The following TEPSIN variants were observed in gnomAD, a reference collection of about 807,000 sequenced individuals.
TEPSIN encodes AP-4 complex accessory subunit tepsin.
TEPSIN carries 50 observed loss-of-function variants against 48.5 expected under a neutral mutation model. The observed-to-expected ratio is 1.03, with a 90% CI of 0.82 to 1.31. TEPSIN has a LOEUF of 1.31. Among genes scored for constraint, TEPSIN ranks in the 50% most tolerant of loss-of-function variants. The pLI is 0.00. For synonymous variants in TEPSIN, 392 were observed against 358.8 expected (o/e 1.09, Z -1.05); for missense variants, 838 against 815.9 (o/e 1.03, Z -0.33).
At chr17:81,231,050 CACACACGT>C in intron 11 of TEPSIN, 1 of 507,610 alleles carries the variant, frequency 2.0e-6, no homozygotes, top group Admixed American at 3.8e-5. Flanking sequence ...CCGACACACG[CACACACGT>C]GTCCACACTT....
Position 81,228,429 on chromosome 17 carries a change from T to C in TEPSIN, c.*499A>G, listed in dbSNP as rs2062510824. 5.5e-5 allele frequency: 11 copies of C among 199,210 alleles called. No homozygotes were observed. The South Asian group carries it at 6.1e-4, about 11-fold the overall frequency. 12.3% of individuals were successfully genotyped at this position (199,210 alleles called of 1,614,324 possible). A position where few individuals can be genotyped will look rare whatever the true frequency, so the allele number is the denominator to read the frequency against. On this transcript the variant is annotated 3_prime_UTR_variant, in exon 13 of 13. Transcript: ENST00000637944. Reference sequence around the variant, plus strand: ...AGGTGAGAGCCAGGGAAGGATCACGTAGGGATCTGAGACTTGAAATGGCCT... The same window carrying C: ...AGGTGAGAGCCAGGGAAGGATCACGCAGGGATCTGAGACTTGAAATGGCCT...
chr17:81,230,521 G>C lies in TEPSIN; in HGVS notation c.1233+23C>G, dbSNP rs189549987. 1 of 1,609,462 alleles carries C rather than the reference G, an allele frequency of 6.2e-7. No individual in the cohort carries two copies. The highest frequency in any genetic ancestry group is 8.5e-7 in the Non-Finnish European group (1 of 1,178,906). ...ACTGTACCCTTGGACCCCGGTGTGC[G>C]TGTGGCCTCCGCAGCTGCCCACCTT... On this transcript the variant is annotated intron_variant, in intron 12 of 12. Transcript: ENST00000637944. This position sits in a 1 kb window ranked among gnomAD's most constrained non-coding sequence, Gnocchi z 4.2.
At chr17:81,232,144 C>A in intron 8 of TEPSIN, 123 bp from the exon 9 acceptor site, 1 of 1,361,798 alleles carries the variant, frequency 7.3e-7, no homozygotes, top group South Asian at 1.4e-5. Flanking sequence ...GGGTGGCCAC[C>A]TTGGCTCCAG....
rs2062572537 is a variant in TEPSIN, at chr17:81,230,562, C to T, written c.1215G>A (p.Val405=). 3.7e-6 allele frequency: 6 copies of T among 1,611,984 alleles called. No homozygotes were observed. The East Asian group carries it at 1.3e-4, about 36-fold the overall frequency. The change falls in exon 12 of 13, where the codon GTG becomes GTA. Residue 405 remains valine, a synonymous_variant. Coordinates refer to ENST00000637944, the MANE Select transcript of TEPSIN (RefSeq NM_001363764.2). This position sits in a 1 kb window ranked among gnomAD's most constrained non-coding sequence, Gnocchi z 4.2. The part of the protein sequence containing the change: ...QELSMGSPGP[V]TNKATKILRH... ...TGCCCACCTTGGTGGCCTTGTTGGT[C>T]ACAGGTCCCGGGCTGCCCATGCTGA... is the stretch of plus-strand genomic sequence containing the variant.
At chr17:81,232,546 G>C in intron 7 of TEPSIN, 28 bp from the exon 8 acceptor site, 1 of 1,521,286 alleles carries the variant, frequency 6.6e-7, no homozygotes, top group South Asian at 1.2e-5. Context: ...GAGATGGGAC[G>C]GCCGCCCAGT....
intron 11 of TEPSIN, chr17:81,231,043 A>G (rs2062589701): frequency 2.1e-6 from 1 of 479,828 alleles, no homozygotes. Context: ...ACGCCCCCCG[A>G]CACACGCACA....
chr17:81,229,794 C>T (rs778836087), intron 12 of TEPSIN: 16 of 404,166 alleles, frequency 4.0e-5, no homozygotes, highest in South Asian at 2.6e-4. Flanking sequence ...GGAGTGAACA[C>T]GTGGCCTGGC....
At chr17:81,238,847 C>T (rs2062773616) in intron 1 of TEPSIN, 139 bp downstream of exon 1, 1 of 1,351,076 alleles carries the variant, frequency 7.4e-7, no homozygotes. Context: ...TCAGGGGCGT[C>T]GGCGCGGGCG....
At chr17:81,232,959 A>G in intron 7 of TEPSIN, 1 of 232,328 alleles carries the variant, frequency 4.3e-6, no homozygotes, top group Non-Finnish European at 8.5e-6. Context: ...GAGCAGCTAC[A>G]CACCGCCCAG....
chr17:81,231,859 T>G lies in TEPSIN; in HGVS notation c.893A>C (p.Asp298Ala). 1 of 1,613,326 alleles carries G rather than the reference T, an allele frequency of 6.2e-7. No homozygotes were observed. Among genetic ancestry groups the G allele is most frequent in the Non-Finnish European group, 8.5e-7 (1 of 1,179,980 alleles). ...AGCTCCCGCTCACCTTTCTGCCAGG[T>G]CACCCGGCTCCCGGCTGGCCCCTGA... is the stretch of plus-strand genomic sequence containing the variant. ...SHSGASREPG[D>A]LAERVEVVAL... Residue 298 changes from aspartate to alanine, a missense_variant, in exon 9 of 13, where the codon GAC (aspartate) becomes GCC (alanine). Coordinates refer to ENST00000637944, the MANE Select transcript of TEPSIN (RefSeq NM_001363764.2).
chr17:81,231,747 T>C lies in TEPSIN; in HGVS notation c.906-56A>G, dbSNP rs112180383. 2.3e-3 allele frequency: 3,759 copies of C among 1,607,082 alleles called. 88 individuals are homozygous for C. In the African/African-American group the frequency reaches 0.044, roughly 19 times the overall value. On this transcript the variant is annotated intron_variant, in intron 9 of 12. Transcript: ENST00000637944. ...AGTGGAGGCCATGCCCCCACTCCTG[T>C]CTCGCATGGGGGAGAACCTGGAGAG... is the stretch of plus-strand genomic sequence containing the variant.
In TEPSIN at chr17:81,229,237, G is replaced by T; in HGVS notation, c.1473C>A (p.Ser491=). 1 of 1,587,698 alleles carries T rather than the reference G, an allele frequency of 6.3e-7. No individual in the cohort carries two copies. The part of the protein sequence containing the change: ...SPVPTPPPDA[S]PIPAPGDPSE... ...TGGGGTCTCCGGGGGCTGGAATGGGGGAGGCATCTGGGGGTGGGGTGGGCA... is the reference window on the plus strand; with the variant it reads ...TGGGGTCTCCGGGGGCTGGAATGGGTGAGGCATCTGGGGGTGGGGTGGGCA... Residue 491 remains serine (S), a synonymous_variant, in exon 13 of 13, where the codon TCC becomes TCA. Coordinates refer to ENST00000637944, the MANE Select transcript of TEPSIN (RefSeq NM_001363764.2).
At position 81,232,333 on chromosome 17, in the gene TEPSIN, C is replaced by A; in HGVS notation, c.712G>T (p.Ala238Ser). 5.2e-6 allele frequency: 8 copies of A among 1,533,138 alleles called. No individual in the cohort carries two copies. The highest frequency in any genetic ancestry group is 7.0e-6 in the Non-Finnish European group (8 of 1,144,766). The allele number at this position is 1,533,138 out of a possible 1,614,324, so 95.0% of individuals were successfully genotyped here. A position where few individuals can be genotyped will look rare whatever the true frequency, so the allele number is the denominator to read the frequency against. ...PPTLGNLLPGAIPGPRAVRHQ... is the reference protein window; with the variant it reads ...PPTLGNLLPGSIPGPRAVRHQ... Reference sequence around the variant, plus strand: ...TCGATACCTCGGGGACCTGGAATGGCCCCGGGGAGTAGGTTCCCCAGGGTT... The same window carrying A: ...TCGATACCTCGGGGACCTGGAATGGACCCGGGGAGTAGGTTCCCCAGGGTT... Residue 238 changes from alanine to serine, a missense_variant, in exon 8 of 13, where the codon GCC (alanine) becomes TCC (serine). Physicochemically the swap from Ala to Ser is moderately conservative, Grantham distance 99. Coordinates refer to ENST00000637944, the MANE Select transcript of TEPSIN (RefSeq NM_001363764.2).
intron 4 of TEPSIN, among the ~76,000 whole-genome samples, chr17:81,235,372 G>A (rs140279889): frequency 1.7e-4 from 26 of 152,244 alleles, no homozygotes; most frequent in South Asian, 1.7e-3. Context: ...AGGGCGCCCC[G>A]TCTCTCACGT....
rs781243444 is a variant in TEPSIN, at chr17:81,230,556, G to C, written c.1221C>G (p.Asn407Lys). The change falls in exon 12 of 13, where the codon AAC becomes AAG. Residue 407 changes from asparagine to lysine, a missense_variant. Transcript: ENST00000637944. The surrounding 1 kb of genome is among the most constrained non-coding windows in gnomAD (Gnocchi z 4.2). ...CGCAGCTGCCCACCTTGGTGGCCTT[G>C]TTGGTCACAGGTCCCGGGCTGCCCA... ...LSMGSPGPVT[N>K]KATKILRHFE... 15 of 1,611,806 alleles carry C rather than the reference G, an allele frequency of 9.3e-6. No individual in the cohort carries two copies. In the South Asian group the frequency reaches 1.6e-4, roughly 18 times the overall value.
chr17:81,229,774 A>G (rs1402019490), intron 12 of TEPSIN: 3 of 457,762 alleles, frequency 6.6e-6, no homozygotes, highest in Admixed American at 4.2e-5. Context: ...CCCGCCAGGC[A>G]CTGCCGGAGG....
intron 1 of TEPSIN, 132 bp from the exon 2 acceptor site, chr17:81,237,591 A>G: frequency 1.0e-6 from 1 of 952,656 alleles, no homozygotes; most frequent in Non-Finnish European, 1.5e-6. Context: ...CTGGGAAGGG[A>G]TGAGAACTGT....
chr17:81,238,552 T>C lies in TEPSIN; in HGVS notation c.48+434A>G, dbSNP rs1411169347. 4.1e-6 allele frequency: 4 copies of C among 967,256 alleles called. No individual in the cohort carries two copies. In the East Asian group the frequency reaches 3.3e-4, roughly 81 times the overall value. 59.9% of individuals were successfully genotyped at this position (967,256 alleles called of 1,614,324 possible). A position where few individuals can be genotyped will look rare whatever the true frequency, so the allele number is the denominator to read the frequency against. Reference sequence around the variant, plus strand: ...TCTCTGTCCCTTCGAGACGTCTGTGTTCTCTGCAACCCAGGGGTGCCTCTC... The same window carrying C: ...TCTCTGTCCCTTCGAGACGTCTGTGCTCTCTGCAACCCAGGGGTGCCTCTC... On this transcript the variant is annotated intron_variant, in intron 1 of 12. Transcript: ENST00000637944.
Position 81,233,999 on chromosome 17 carries a change from C to T in TEPSIN, c.357G>A (p.Lys119=), listed in dbSNP as rs1486490195. 1.3e-6 allele frequency: 2 copies of T among 1,599,098 alleles called. No individual in the cohort carries two copies. Among genetic ancestry groups the T allele is most frequent in the African/African-American group, 1.4e-5 (1 of 73,972 alleles). ...DPLHGNSLYQ[K]VRAAAQDLGS... ...GGCTCACCTGCGCGGCCGCGCGAACCTTCTGGTACAAGCTGTTCCCGTGCA... is the reference window on the plus strand; with the variant it reads ...GGCTCACCTGCGCGGCCGCGCGAACTTTCTGGTACAAGCTGTTCCCGTGCA... Residue 119 remains lysine (K), a synonymous_variant, in exon 5 of 13, where the codon AAG becomes AAA. Coordinates refer to ENST00000637944, the MANE Select transcript of TEPSIN (RefSeq NM_001363764.2). This position sits in a 1 kb window ranked among gnomAD's most constrained non-coding sequence, Gnocchi z 5.8.
Sources: gnomAD v4.1 joint callset for allele counts (sites outside exome capture counted in the v4.1 genomes callset) on GRCh38, gnomAD v4.1.1 for gene constraint, Gnocchi (gnomAD v3.1) non-coding constraint, MANE v1.5 for transcripts, NCBI Gene and HGNC (gene_info 2026-07-23, HGNC 2026-07-21) for gene names.